Variants in PDXDC1 observed in about 807,000 individuals in gnomAD.
PDXDC1 encodes pyridoxal-dependent decarboxylase domain-containing protein 1.
A neutral mutation model predicts 100.1 loss-of-function variants in PDXDC1; 42 were observed. The observed-to-expected ratio is 0.42, with a 90% CI of 0.33 to 0.54. The LOEUF (loss-of-function observed/expected upper bound fraction) is 0.54. Ranked by LOEUF, PDXDC1 falls within the 20% of genes least tolerant of loss-of-function variation. The probability of loss-of-function intolerance (pLI) is 0.10; values close to 1 mark genes in which losing one functional copy is unlikely to be tolerated. For synonymous variants in PDXDC1, 260 were observed against 371.7 expected (o/e 0.70, Z 3.46); for missense variants, 636 against 979.2 (o/e 0.65, Z 4.68).
intron 16 of PDXDC1, chr16:15,103,157 TG>T: frequency 1.8e-6 from 1 of 562,674 alleles, no homozygotes; most frequent in Admixed American, 3.1e-5. Flanking sequence ...TGTGCCTCCC[TG>T]GGGGTCTTCA....
chr16:14,996,870 A>G (rs1972091348), intron 1 of PDXDC1, among the ~76,000 whole-genome samples: 1 of 152,298 alleles, frequency 6.6e-6, no homozygotes, highest in African/African-American at 2.4e-5. Flanking sequence ...ATATTTGTCA[A>G]AATAGCTTGT....
chr16:14,981,819 CCTTTT>C, intron 1 of PDXDC1, among the ~76,000 whole-genome samples: 1 of 150,888 alleles, frequency 6.6e-6, no homozygotes, highest in South Asian at 2.1e-4. Context: ...GTATTTTTGT[CCTTTT>C]CTTTTGTTTC....
chr16:15,062,534 C>T (rs952399695), intron 16 of PDXDC1, among the ~76,000 whole-genome samples: 11 of 152,230 alleles, frequency 7.2e-5, no homozygotes, highest in African/African-American at 2.7e-4. Flanking sequence ...TCCTCTCTAA[C>T]TGTAACTGTC....
At chr16:15,015,031 A>G (rs1302233517) in intron 8 of PDXDC1, among the ~76,000 whole-genome samples, 1 of 152,272 alleles carries the variant, frequency 6.6e-6, no homozygotes, top group African/African-American at 2.4e-5. Flanking sequence ...TCTGCCTCCC[A>G]GGTTCACGCC....
intron 8 of PDXDC1, among the ~76,000 whole-genome samples, chr16:15,012,124 G>A (rs1386673619): frequency 6.6e-6 from 1 of 150,590 alleles, no homozygotes; most frequent in African/African-American, 2.4e-5. Flanking sequence ...TTTTTTTGGA[G>A]ATGGAGTCTC....
intron 16 of PDXDC1, among the ~76,000 whole-genome samples, chr16:15,122,157 C>CT (rs2047453034): frequency 6.6e-6 from 1 of 152,200 alleles, no homozygotes; most frequent in Non-Finnish European, 1.5e-5. Context: ...GAGTGAGACT[C>CT]TGTCTAAAAA....
chr16:15,037,167 G>T lies in PDXDC1; in HGVS notation c.*892G>T. 1 of 152,318 alleles carries T rather than the reference G, an allele frequency of 6.6e-6. No individual in the cohort carries two copies. The highest frequency in any genetic ancestry group is 1.5e-5 in the Non-Finnish European group (1 of 68,048). The allele number at this position is 152,318 out of a possible 1,614,324, so 9.4% of individuals were successfully genotyped here. On this transcript the variant is annotated 3_prime_UTR_variant, in exon 23 of 23. Coordinates refer to ENST00000396410, the MANE Select transcript of PDXDC1 (RefSeq NM_015027.4). ...TCTACTGCCCTGGCAGCTCGCCTGG[G>T]CCCAACTCAGAAACAGGAGCCAGCA...
At chr16:15,042,599 G>C (rs1023397638), downstream of PDXDC1, among the ~76,000 whole-genome samples, 1 of 152,116 alleles carries the variant, frequency 6.6e-6, no homozygotes. Context: ...GATGACACCA[G>C]ATTTCCTGTT....
chr16:15,066,256 A>G (rs2044967511), intron 16 of PDXDC1, among the ~76,000 whole-genome samples: 1 of 152,170 alleles, frequency 6.6e-6, no homozygotes, highest in Non-Finnish European at 1.5e-5. Flanking sequence ...TGCATCTCCT[A>G]CAACCCCGCA....
intron 16 of PDXDC1, among the ~76,000 whole-genome samples, chr16:15,058,893 C>G (rs1302868691): frequency 6.6e-6 from 1 of 152,130 alleles, no homozygotes; most frequent in Non-Finnish European, 1.5e-5. Flanking sequence ...CTGGCCTCCC[C>G]AAGTGCTCAG....
intron 1 of PDXDC1, among the ~76,000 whole-genome samples, chr16:14,983,813 A>G (rs1328071276): frequency 6.6e-6 from 1 of 152,264 alleles, no homozygotes. Flanking sequence ...CATTTTAATT[A>G]TATAGTTTGT....
intron 16 of PDXDC1, chr16:15,056,018 G>T: frequency 3.9e-6 from 4 of 1,021,072 alleles, no homozygotes; most frequent in South Asian, 9.5e-5. Flanking sequence ...GCGGCCCCCC[G>T]CTTTGCAGCC....
rs2047200110 is a variant in PDXDC1 at position 15,115,102 on chromosome 16, AT to A, written c.1400-23772del. 7.6e-5 allele frequency among the ~76,000 whole-genome samples: 11 copies of A among 144,700 alleles called. No individual in the cohort carries two copies. The South Asian group carries it at 2.5e-3, about 33-fold the overall frequency. 94.9% of individuals were successfully genotyped at this position (144,700 alleles called of 152,430 possible). On this transcript the variant is annotated intron_variant, in intron 16 of 16. Transcript: ENST00000535621. ...AGGTCTCTGCCACCATGCCCGACTA[AT>A]TTTTGTATTTTTAGTAGAGATGAGG...
intron 16 of PDXDC1, among the ~76,000 whole-genome samples, chr16:15,096,491 C>T (rs1214251747): frequency 6.6e-6 from 1 of 152,204 alleles, no homozygotes; most frequent in African/African-American, 2.4e-5. Flanking sequence ...TCTATTTGGT[C>T]CTTACTGAGT....
chr16:15,093,983 G>A (rs1179114333), intron 16 of PDXDC1: 2 of 686,478 alleles, frequency 2.9e-6, no homozygotes, highest in African/African-American at 1.8e-5. Context: ...CTATTACCCA[G>A]TTAGGAGGAA....
At position 15,033,262 on chromosome 16, in the gene PDXDC1, C is replaced by A. The variant is rs993822726; in HGVS notation, c.1691-16C>A. 3.1e-6 allele frequency: 5 copies of A among 1,613,918 alleles called. No individual in the cohort carries two copies. In the African/African-American group the frequency reaches 5.3e-5, roughly 17 times the overall value. On this transcript the variant is annotated splice_polypyrimidine_tract_variant and intron_variant, in intron 18 of 22. Coordinates refer to ENST00000396410, the MANE Select transcript of PDXDC1 (RefSeq NM_015027.4). ...AGAGGACTGAGAAACTCAAGTTTGT[C>A]TCGTTACCTTTGCAGGCCCTGAGTA...
chr16:15,092,552 C>A, intron 16 of PDXDC1: 1 of 1,613,620 alleles, frequency 6.2e-7, no homozygotes, highest in Non-Finnish European at 8.5e-7. Context: ...TCCACCAAAC[C>A]GAACAGTTTT....
rs2048326485 is a variant in PDXDC1 at position 15,135,902 on chromosome 16, A to C, written c.1400-2977A>C. The C allele has an allele frequency of 5.7e-6, 9 of 1,579,012 alleles. No individual in the cohort carries two copies. In the Admixed American group the frequency reaches 1.5e-4, roughly 27 times the overall value. On this transcript the variant is annotated intron_variant, in intron 16 of 16. Coordinates refer to the PDXDC1 transcript ENST00000535621. The stretch of plus-strand genomic sequence containing the variant: ...GCAGTAGTGCCCCACAGGCAGCGCC[A>C]GCCGCGGCAGCACCAGCTGAGGCCG...
chr16:15,079,591 CTTTTCT>C (rs1223348389), intron 16 of PDXDC1, among the ~76,000 whole-genome samples: 3 of 115,872 alleles, frequency 2.6e-5, no homozygotes, highest in East Asian at 2.3e-4. Context: ...CTAGTGGTTT[CTTTTCT>C]TTTTTTTTTT....
Sources: gnomAD v4.1 joint callset for allele counts (sites outside exome capture counted in the v4.1 genomes callset) on GRCh38, gnomAD v4.1.1 for gene constraint, MANE v1.5 for transcripts, NCBI Gene and HGNC (gene_info 2026-07-23, HGNC 2026-07-21) for gene names.